ACBD3: variants seen among roughly 807,000 people sequenced by gnomAD.
ACBD3 encodes Golgi resident protein GCP60.
A neutral mutation model predicts 66.9 loss-of-function variants in ACBD3; 30 were observed. The observed-to-expected ratio is 0.45, with a 90% confidence interval of 0.34 to 0.61. ACBD3 has a LOEUF of 0.61. Among genes scored for constraint, ACBD3 ranks in the 20% least tolerant of loss-of-function variants. ACBD3 has a pLI of 0.02. For synonymous variants in ACBD3, 278 were observed against 259.8 expected (o/e 1.07, Z -0.68); for missense variants, 544 against 664.5 (o/e 0.82, Z 1.99).
chr1:226,171,151 A>AT (rs34857781), intron 1 of ACBD3, among the ~76,000 whole-genome samples: 65,812 of 144,442 alleles, frequency 0.46, 14,607 homozygotes, highest in African/African-American at 0.5. Flanking sequence ...TAAGTAAACA[A>AT]TTTTTTTTTT....
intron 1 of ACBD3, among the ~76,000 whole-genome samples, chr1:226,172,092 T>G (rs146134318): frequency 0.012 from 1,598 of 136,314 alleles, 24 homozygotes; most frequent in African/African-American, 0.04. Context: ...GAGGCGGAGG[T>G]TGCAGTGAGC....
chr1:226,169,558 ATTTTTT>A (rs71168969), intron 1 of ACBD3, among the ~76,000 whole-genome samples: 1 of 52,316 alleles, frequency 1.9e-5, no homozygotes, highest in Non-Finnish European at 3.2e-5. Context: ...CTGCCTGGCT[ATTTTTT>A]TTTTTTTTTT....
intron 1 of ACBD3, among the ~76,000 whole-genome samples, chr1:226,168,726 T>A (rs1020088970): frequency 6.6e-6 from 1 of 152,202 alleles, no homozygotes. Context: ...TGTATAAAAG[T>A]ATATATAGCA....
At chr1:226,170,998 C>G (rs184392744) in intron 1 of ACBD3, among the ~76,000 whole-genome samples, 4 of 152,136 alleles carry the variant, frequency 2.6e-5, no homozygotes, top group Non-Finnish European at 5.9e-5. Context: ...AGGTTGGTCT[C>G]GAGCTCCTGG....
intron 7 of ACBD3, among the ~76,000 whole-genome samples, chr1:226,148,602 T>G (rs539761322): frequency 2.0e-5 from 3 of 152,356 alleles, no homozygotes. Flanking sequence ...AAAAGGCATC[T>G]TTTATGAATT....
intron 7 of ACBD3, among the ~76,000 whole-genome samples, chr1:226,148,607 T>A (rs558003419): frequency 6.6e-6 from 1 of 152,350 alleles, no homozygotes; most frequent in South Asian, 2.1e-4. Flanking sequence ...GCATCTTTTA[T>A]GAATTTAAGC....
intron 1 of ACBD3, among the ~76,000 whole-genome samples, chr1:226,185,609 A>T (rs1260535858): frequency 6.8e-6 from 1 of 147,562 alleles, no homozygotes; most frequent in Non-Finnish European, 1.5e-5. Context: ...CGACTAAGTG[A>T]ATCACCCAAT....
rs1409790005 is a variant in ACBD3 at position 226,145,177 on chromosome 1, GAAC to G, written c.*1430_*1432del. 2.0e-5 allele frequency: 3 copies of G among 152,210 alleles called. No homozygotes were observed. The Admixed American group carries it at 2.0e-4, about 10-fold the overall frequency. 9.4% of individuals were successfully genotyped at this position (152,210 alleles called of 1,614,324 possible). The stretch of plus-strand genomic sequence containing the variant: ...TTAAGAAAAAAAAAATCCAGTTTCT[GAAC>G]AACCAAAAGAGAACAGAGTTAGATA... On this transcript the variant is annotated 3_prime_UTR_variant, in exon 8 of 8. Transcript: ENST00000366812.
chr1:226,160,441 C>A (rs1659750148), intron 4 of ACBD3, among the ~76,000 whole-genome samples: 1 of 152,176 alleles, frequency 6.6e-6, no homozygotes, highest in South Asian at 2.1e-4. Context: ...ACAGAGACCT[C>A]AAAGCCATCT....
At chr1:226,174,628 G>C (rs1009660975) in intron 1 of ACBD3, among the ~76,000 whole-genome samples, 3 of 151,514 alleles carry the variant, frequency 2.0e-5, no homozygotes, top group African/African-American at 7.3e-5. Flanking sequence ...AGCTGGGAGT[G>C]GTGGTGCACG....
chr1:226,156,596 A>T (rs1230862573), intron 5 of ACBD3, among the ~76,000 whole-genome samples: 2 of 152,222 alleles, frequency 1.3e-5, no homozygotes, highest in Non-Finnish European at 2.9e-5. Flanking sequence ...GCATATCTCT[A>T]CACACATTTC....
At chr1:226,168,760 A>G (rs2102784471) in intron 1 of ACBD3, among the ~76,000 whole-genome samples, 1 of 152,330 alleles carries the variant, frequency 6.6e-6, no homozygotes, top group South Asian at 2.1e-4. Context: ...ATACTTGATG[A>G]CATTAATCAT....
intron 3 of ACBD3, among the ~76,000 whole-genome samples, chr1:226,163,034 C>A (rs1262384677): frequency 6.6e-6 from 1 of 152,022 alleles, no homozygotes; most frequent in Non-Finnish European, 1.5e-5. Flanking sequence ...CTCTTGGACT[C>A]AAGTGATCTG....
At chr1:226,159,989 A>G (rs1351577933) in intron 4 of ACBD3, among the ~76,000 whole-genome samples, 1 of 152,248 alleles carries the variant, frequency 6.6e-6, no homozygotes, top group Non-Finnish European at 1.5e-5. Context: ...AAGGGTCCAC[A>G]GCATTTAATT....
rs940650174 is a variant in ACBD3 at position 226,149,932 on chromosome 1, C to T, written c.1375+2403G>A. On this transcript the variant is annotated intron_variant, in intron 7 of 7. Coordinates refer to ENST00000366812, the MANE Select transcript of ACBD3 (RefSeq NM_022735.4). Reference sequence around the variant, plus strand: ...GCAGACAGTCTGACTTTAATGAGTCCCTGTGATGCAACAGAAAGGACAGAA... The same window carrying T: ...GCAGACAGTCTGACTTTAATGAGTCTCTGTGATGCAACAGAAAGGACAGAA... 5.9e-5 allele frequency among the ~76,000 whole-genome samples: 9 copies of T among 152,082 alleles called. No individual in the cohort carries two copies. The South Asian group carries it at 1.5e-3, about 25-fold the overall frequency.
At chr1:226,154,606 T>G in intron 6 of ACBD3, 41 bp downstream of exon 6, 1 of 1,560,464 alleles carries the variant, frequency 6.4e-7, no homozygotes, top group Non-Finnish European at 8.7e-7. Flanking sequence ...TTCACAGATT[T>G]GGAATTATGA....
At chr1:226,161,797 T>C (rs1276928937) in intron 3 of ACBD3, 108 bp from the exon 4 acceptor site, 2 of 1,286,372 alleles carry the variant, frequency 1.6e-6, no homozygotes, top group Non-Finnish European at 2.1e-6. Flanking sequence ...ACAATGTGGA[T>C]ATATACATCA....
intron 7 of ACBD3, among the ~76,000 whole-genome samples, chr1:226,150,820 T>C (rs1659558780): frequency 6.6e-6 from 1 of 152,222 alleles, no homozygotes. Flanking sequence ...TGCTTCCATA[T>C]TTACCAGCTA....
chr1:226,182,407 A>G (rs540708075), intron 1 of ACBD3, among the ~76,000 whole-genome samples: 4 of 152,244 alleles, frequency 2.6e-5, no homozygotes, highest in East Asian at 3.9e-4. Context: ...ATTTGGGGTC[A>G]GTCCAAGACC....
Sources: gnomAD v4.1 joint callset for allele counts (sites outside exome capture counted in the v4.1 genomes callset) on GRCh38, gnomAD v4.1.1 for gene constraint, MANE v1.5 for transcripts, NCBI Gene and HGNC (gene_info 2026-07-23, HGNC 2026-07-21) for gene names.